The following DNAJC3 variants were observed in gnomAD, a reference collection of about 807,000 sequenced individuals.
DNAJC3 encodes dnaJ homolog subfamily C member 3.
Under a neutral mutation model 68.6 loss-of-function variants are expected in DNAJC3, and 38 were observed. The observed-to-expected ratio is 0.55, with a 90% CI of 0.43 to 0.73. DNAJC3 has a LOEUF of 0.73. Ranked by LOEUF, DNAJC3 falls within the 30% of genes least tolerant of loss-of-function variation. The pLI, the probability that DNAJC3 is intolerant of heterozygous loss-of-function variation, is 0.00. For synonymous variants in DNAJC3, 203 were observed against 204.0 expected (o/e 1.00, Z 0.04); for missense variants, 526 against 591.9 (o/e 0.89, Z 1.16).
chr13:95,718,692 T>TG (rs1347413426), intron 2 of DNAJC3, among the ~76,000 whole-genome samples: 1 of 152,238 alleles, frequency 6.6e-6, no homozygotes, highest in African/African-American at 2.4e-5. Context: ...TGAGCCACTG[T>TG]GCCTAGCCAG....
At chr13:95,768,338 C>G (rs1310847972) in intron 9 of DNAJC3, among the ~76,000 whole-genome samples, 1 of 152,134 alleles carries the variant, frequency 6.6e-6, no homozygotes, top group Non-Finnish European at 1.5e-5. Flanking sequence ...TACTCATTTT[C>G]AGGTTGTTTG....
intron 1 of DNAJC3, among the ~76,000 whole-genome samples, chr13:95,697,844 T>G (rs1010612113): frequency 2.0e-5 from 3 of 151,112 alleles, no homozygotes; most frequent in Admixed American, 6.6e-5. Context: ...CCTAGATTGC[T>G]TTTCTGGTTA....
At chr13:95,748,955 A>G (rs962895174) in intron 4 of DNAJC3, among the ~76,000 whole-genome samples, 8 of 152,230 alleles carry the variant, frequency 5.3e-5, no homozygotes, top group African/African-American at 1.4e-4. Flanking sequence ...ACTTTATGCT[A>G]TGATTCAGAT....
At chr13:95,718,603 G>C (rs1422570715) in intron 2 of DNAJC3, among the ~76,000 whole-genome samples, 2 of 152,188 alleles carry the variant, frequency 1.3e-5, no homozygotes, top group Non-Finnish European at 2.9e-5. Flanking sequence ...GTTTCACCAT[G>C]TTGGCCAGGC....
chr13:95,693,973 A>G (rs1880355995), intron 1 of DNAJC3: 1 of 152,098 alleles, frequency 6.6e-6, no homozygotes, highest in Non-Finnish European at 1.5e-5. Context: ...ACTCTTAATT[A>G]TCTACTCTAT....
At chr13:95,703,920 C>T (rs768819956) in intron 1 of DNAJC3, among the ~76,000 whole-genome samples, 2 of 151,670 alleles carry the variant, frequency 1.3e-5, no homozygotes, top group Non-Finnish European at 2.9e-5. Context: ...GTTGCTGTAA[C>T]GTTTCATTAA....
rs375077673 is a variant in DNAJC3, at chr13:95,709,247, G to A, written c.103G>A (p.Ala35Thr). 10 of 1,577,412 alleles carry A rather than the reference G, an allele frequency of 6.3e-6. No homozygotes were observed. Among genetic ancestry groups the A allele is most frequent in the African/African-American group, 1.4e-5 (1 of 73,788 alleles). The change falls in exon 2 of 12, where the codon GCA becomes ACA. Residue 35 changes from alanine to threonine, a missense_variant. By Grantham distance (58) the Ala-to-Thr change is moderately conservative. Coordinates refer to ENST00000602402, the MANE Select transcript of DNAJC3 (RefSeq NM_006260.5). ...QYEGAECGVN[A>T]DVEKHLELGK... Reference sequence around the variant, plus strand: ...TTTAGGTGCTGAATGTGGAGTAAATGCAGATGTTGAGAAACATCTTGAATT... The same window carrying A: ...TTTAGGTGCTGAATGTGGAGTAAATACAGATGTTGAGAAACATCTTGAATT...
At chr13:95,779,106 T>A (rs1198245404) in intron 9 of DNAJC3, among the ~76,000 whole-genome samples, 1 of 148,296 alleles carries the variant, frequency 6.7e-6, no homozygotes, top group Non-Finnish European at 1.5e-5. Flanking sequence ...TAATCTTTGA[T>A]ATTTTCTTCT....
Position 95,682,987 on chromosome 13 carries a change from A to G in DNAJC3, c.82+5650A>G, listed in dbSNP as rs373444780. On this transcript the variant is annotated intron_variant, in intron 1 of 11. Transcript: ENST00000602402. ...GAAGAAAAGACAGCTCCTCCTCTCA[A>G]ACTTGCTTTTGATAAGTTTTGTGGA... 6.6e-4 allele frequency among the ~76,000 whole-genome samples: 101 copies of G among 152,352 alleles called. 4 individuals carry two copies. The South Asian group carries it at 0.019, about 29-fold the overall frequency.
At chr13:95,717,900 C>G (rs577567917) in intron 2 of DNAJC3, among the ~76,000 whole-genome samples, 29 of 152,276 alleles carry the variant, frequency 1.9e-4, no homozygotes, top group African/African-American at 6.5e-4. Flanking sequence ...ACGCACCAGT[C>G]CAGTGTGTTT....
chr13:95,710,091 G>A (rs967127266), intron 2 of DNAJC3, among the ~76,000 whole-genome samples: 5 of 152,106 alleles, frequency 3.3e-5, no homozygotes, highest in Admixed American at 2.6e-4. Flanking sequence ...CATTTATACT[G>A]TTGCTTCTTA....
At chr13:95,737,075 TA>T (rs1221773170) in intron 4 of DNAJC3, among the ~76,000 whole-genome samples, 1 of 151,220 alleles carries the variant, frequency 6.6e-6, no homozygotes, top group African/African-American at 2.4e-5. Context: ...TCTATTGAGA[TA>T]ATCATGTGGT....
intron 1 of DNAJC3, among the ~76,000 whole-genome samples, chr13:95,697,559 C>T (rs1175692484): frequency 6.6e-6 from 1 of 152,178 alleles, no homozygotes; most frequent in Non-Finnish European, 1.5e-5. Flanking sequence ...GTCTGCATAT[C>T]TAGCAAGATC....
intron 4 of DNAJC3, among the ~76,000 whole-genome samples, chr13:95,742,183 C>A (rs532372045): frequency 1.3e-5 from 2 of 152,174 alleles, no homozygotes; most frequent in Non-Finnish European, 2.9e-5. Context: ...CAATCCTTCT[C>A]CTGGGGTGGT....
chr13:95,691,421 G>A (rs1055723625), intron 1 of DNAJC3, among the ~76,000 whole-genome samples: 4 of 151,664 alleles, frequency 2.6e-5, no homozygotes, highest in South Asian at 2.1e-4. Context: ...CGGACGGGGC[G>A]GCAGGGCAGA....
chr13:95,786,889 C>T (rs538059853), intron 10 of DNAJC3, 118 bp from the exon 11 acceptor site: 1 of 1,227,592 alleles, frequency 8.1e-7, no homozygotes, highest in African/African-American at 1.5e-5. Flanking sequence ...ACCATTGGAA[C>T]TATTTTATAA....
intron 9 of DNAJC3, among the ~76,000 whole-genome samples, chr13:95,781,039 C>G (rs1243830205): frequency 1.3e-5 from 2 of 151,970 alleles, no homozygotes; most frequent in East Asian, 1.9e-4. Context: ...AGGACCTGTT[C>G]ACTGGAGAAC....
intron 11 of DNAJC3, 103 bp downstream of exon 11, chr13:95,787,258 G>C (rs773544778): frequency 2.1e-6 from 3 of 1,436,738 alleles, no homozygotes; most frequent in South Asian, 1.5e-5. Flanking sequence ...AGGCAGTGAC[G>C]GGTCCTGAGC....
At chr13:95,773,681 C>A (rs938403377) in intron 9 of DNAJC3, among the ~76,000 whole-genome samples, 1 of 132,532 alleles carries the variant, frequency 7.5e-6, no homozygotes, top group African/African-American at 2.8e-5. Context: ...TTTGTATTTT[C>A]TTTTTTTCCT....
Sources: gnomAD v4.1 joint callset for allele counts (sites outside exome capture counted in the v4.1 genomes callset) on GRCh38, gnomAD v4.1.1 for gene constraint, MANE v1.5 for transcripts, NCBI Gene and HGNC (gene_info 2026-07-23, HGNC 2026-07-21) for gene names.